The following GPHN variants were observed in gnomAD, a reference collection of about 807,000 sequenced individuals.
GPHN encodes the protein gephyrin.
A neutral mutation model predicts 95.5 loss-of-function variants in GPHN; 17 were observed. That is an observed-to-expected ratio of 0.18 (90% CI 0.12 to 0.27). The LOEUF (loss-of-function observed/expected upper bound fraction) is 0.27, where lower values mean the gene tolerates loss of function less well. GPHN is among the 10% of genes least tolerant of loss of function. The pLI is 1.00. For missense variants in GPHN, 660 were observed against 978.1 expected (o/e 0.67, Z 4.34); for synonymous variants, 320 against 322.5 (o/e 0.99, Z 0.08).
At chr14:67,296,583 CT>C in the GPHN span, among the ~76,000 whole-genome samples, 1 of 53,520 alleles carries the variant, frequency 1.9e-5, no homozygotes, top group Non-Finnish European at 3.0e-5. Context: ...GAAACTCTGT[CT>C]CAAAAAAAAA....
intron 3 of GPHN, among the ~76,000 whole-genome samples, chr14:66,809,723 T>C (rs1285517879): frequency 6.6e-6 from 1 of 152,164 alleles, no homozygotes; most frequent in African/African-American, 2.4e-5. Flanking sequence ...TCCCTTTTGT[T>C]TTCTCTTCTG....
In GPHN at chr14:66,646,759, G is replaced by T. The variant is rs377706410; in HGVS notation, c.65-34348G>T. Among the ~76,000 whole-genome samples, 6 of 152,212 alleles carry T rather than the reference G, an allele frequency of 3.9e-5. 1 individual carries two copies. In the East Asian group the frequency reaches 5.8e-4, roughly 15 times the overall value. ...GAAATGGGGAGCTGTTGTTTAATGG[G>T]TATAGAGTTTCAGTTTTACAAGATG... On this transcript the variant is annotated intron_variant, in intron 1 of 22. Coordinates refer to ENST00000478722, the MANE Select transcript of GPHN (RefSeq NM_020806.5).
At chr14:67,026,792 G>A (rs538572964) in intron 10 of GPHN, among the ~76,000 whole-genome samples, 79 of 152,186 alleles carry the variant, frequency 5.2e-4, no homozygotes, top group Non-Finnish European at 7.9e-4. Context: ...ACAGGTGCCC[G>A]CCACCTCGCC....
intron 5 of GPHN, among the ~76,000 whole-genome samples, chr14:66,891,062 T>G (rs2064468918): frequency 6.6e-6 from 1 of 151,946 alleles, no homozygotes; most frequent in South Asian, 2.1e-4. Flanking sequence ...TTCAACATAG[T>G]ATTGGAACTT....
the GPHN span, among the ~76,000 whole-genome samples, chr14:67,452,189 G>A: frequency 2.4e-4 from 36 of 151,984 alleles, no homozygotes; most frequent in Admixed American, 1.2e-3. Context: ...AAAATTAGCC[G>A]GGTGTGATGG....
rs906064417 is a variant in GPHN, at chr14:67,110,196, A to G, written c.1350A>G (p.Ile450Met). ...TGCGGGTTACAACAGGTGCTCCAAT[A>G]CCCTGCGGTGCTGATGCAGTAGTAC... The part of the protein sequence containing the change: ...QVMRVTTGAP[I>M]PCGADAVVQV... Residue 450 changes from isoleucine to methionine, a missense_variant, in exon 14 of 23, where the codon ATA becomes ATG. Ile to Met is a conservative substitution (Grantham distance 10). Coordinates refer to ENST00000478722, the MANE Select transcript of GPHN (RefSeq NM_020806.5). 1.2e-6 allele frequency: 2 copies of G among 1,612,460 alleles called. No homozygotes were observed. The highest frequency in any genetic ancestry group is 2.7e-5 in the African/African-American group (2 of 74,886).
chr14:67,071,082 T>G (rs1448870925), intron 11 of GPHN, among the ~76,000 whole-genome samples: 1 of 152,116 alleles, frequency 6.6e-6, no homozygotes, highest in Non-Finnish European at 1.5e-5. Flanking sequence ...TGGCAATTCC[T>G]CAAGGATCTA....
chr14:67,652,886 C>A, the GPHN span, among the ~76,000 whole-genome samples: 35 of 152,266 alleles, frequency 2.3e-4, 2 homozygotes, highest in African/African-American at 8.4e-4. Flanking sequence ...CTCCACCCCC[C>A]AGGTTCAAGC....
intron 3 of GPHN, among the ~76,000 whole-genome samples, chr14:66,807,516 G>C (rs565738164): frequency 6.6e-6 from 1 of 152,272 alleles, no homozygotes; most frequent in East Asian, 1.9e-4. Flanking sequence ...TCATTCAGTA[G>C]ATCATTCTGC....
chr14:67,492,581 C>T, the GPHN span, among the ~76,000 whole-genome samples: 7 of 152,284 alleles, frequency 4.6e-5, no homozygotes, highest in South Asian at 2.1e-4. Context: ...TGATGGGGAC[C>T]CTGCCCCTTT....
chr14:67,521,796 C>A, the GPHN span, among the ~76,000 whole-genome samples: 1 of 152,172 alleles, frequency 6.6e-6, no homozygotes, highest in African/African-American at 2.4e-5. Context: ...AGAATAAGAG[C>A]ACACATTGAA....
intron 2 of GPHN, among the ~76,000 whole-genome samples, chr14:66,707,789 A>ATTAG (rs2069231753): frequency 6.6e-6 from 1 of 151,756 alleles, no homozygotes; most frequent in African/African-American, 2.4e-5. Flanking sequence ...ACTTAAAATA[A>ATTAG]TGTAATTTTA....
chr14:67,496,855 T>C, the GPHN span, among the ~76,000 whole-genome samples: 1 of 151,230 alleles, frequency 6.6e-6, no homozygotes, highest in Admixed American at 6.6e-5. Flanking sequence ...TGGGGTACAG[T>C]GGCGCAATCT....
chr14:67,226,324 T>C, the GPHN span, among the ~76,000 whole-genome samples: 2 of 152,094 alleles, frequency 1.3e-5, no homozygotes, highest in African/African-American at 4.8e-5. Context: ...CCTGGGTAGC[T>C]GGGATTACAG....
chr14:67,516,137 A>G, the GPHN span, among the ~76,000 whole-genome samples: 1 of 152,166 alleles, frequency 6.6e-6, no homozygotes, highest in South Asian at 2.1e-4. Flanking sequence ...GGCCCCTTGG[A>G]CTGGTCCTGG....
intron 2 of GPHN, among the ~76,000 whole-genome samples, chr14:66,761,465 C>G (rs2058752030): frequency 6.6e-6 from 1 of 152,002 alleles, no homozygotes; most frequent in Non-Finnish European, 1.5e-5. Context: ...GATTTTAGTA[C>G]TTCCTGTTTT....
intron 1 of GPHN, among the ~76,000 whole-genome samples, chr14:66,609,860 T>G (rs2062708170): frequency 6.6e-6 from 1 of 152,174 alleles, no homozygotes; most frequent in Non-Finnish European, 1.5e-5. Flanking sequence ...CTTTGATTCC[T>G]TGAATTGGTT....
chr14:67,543,484 C>G, the GPHN span, among the ~76,000 whole-genome samples: 7 of 152,314 alleles, frequency 4.6e-5, no homozygotes, highest in East Asian at 1.3e-3. Context: ...AAAGTGTGGT[C>G]AGAACCGTTT....
At chr14:67,263,681 C>G in the GPHN span, among the ~76,000 whole-genome samples, 1,322 of 152,266 alleles carry the variant, frequency 8.7e-3, 20 homozygotes, top group African/African-American at 0.029. Context: ...ACAACTTAAC[C>G]TCTCCCTACT....
Sources: gnomAD v4.1 joint callset for allele counts (sites outside exome capture counted in the v4.1 genomes callset) on GRCh38, gnomAD v4.1.1 for gene constraint, MANE v1.5 for transcripts, NCBI Gene and HGNC (gene_info 2026-07-23, HGNC 2026-07-21) for gene names.